The following PKN2 variants were observed in gnomAD, a reference collection of about 807,000 sequenced individuals.
PKN2 encodes protein kinase N2, also known as serine/threonine-protein kinase N2.
In PKN2, 38 loss-of-function variants were observed where a neutral mutation model predicts 119.1. The ratio of observed to expected loss-of-function variants is 0.32; its 90% confidence interval spans 0.25 to 0.42. PKN2 has a LOEUF of 0.42. Ranked by LOEUF, PKN2 falls within the 10% of genes least tolerant of loss-of-function variation. PKN2 has a pLI of 1.00. For synonymous variants in PKN2, 390 were observed against 384.9 expected, an observed-to-expected ratio of 1.01 and a Z score of -0.15; for missense variants, 850 against 1,165.1, an observed-to-expected ratio of 0.73 and a Z score of 3.94.
rs114200679 is a variant in PKN2, at chr1:88,829,255, A to G, written c.2562+632A>G. On this transcript the variant is annotated intron_variant, in intron 19 of 21. Coordinates refer to ENST00000370521, the MANE Select transcript of PKN2 (RefSeq NM_006256.4). Reference sequence around the variant, plus strand: ...AAGCCATGTTGAGTGGCCCAGGTCAATTTGCTGAGAATGAAACCAATGAGG... The same window carrying G: ...AAGCCATGTTGAGTGGCCCAGGTCAGTTTGCTGAGAATGAAACCAATGAGG... 1.3e-3 allele frequency: 860 copies of G among 682,754 alleles called. 9 individuals carry two copies. In the African/African-American group the frequency reaches 0.014, roughly 11 times the overall value. 42.3% of individuals were successfully genotyped at this position (682,754 alleles called of 1,614,324 possible). A position where few individuals can be genotyped will look rare whatever the true frequency, so the allele number is the denominator to read the frequency against.
intron 1 of PKN2, among the ~76,000 whole-genome samples, chr1:88,692,079 T>G (rs934432604): frequency 6.6e-6 from 1 of 152,210 alleles, no homozygotes; most frequent in African/African-American, 2.4e-5. Context: ...AAACATCTTT[T>G]AGTTGTTTGT....
At chr1:88,699,516 A>G (rs927166755) in intron 1 of PKN2, among the ~76,000 whole-genome samples, 4 of 152,124 alleles carry the variant, frequency 2.6e-5, no homozygotes, top group Non-Finnish European at 5.9e-5. Context: ...AGATCATCCC[A>G]TCACCTGGGT....
chr1:88,799,298 T>C (rs1020762612), intron 8 of PKN2, among the ~76,000 whole-genome samples: 1 of 152,160 alleles, frequency 6.6e-6, no homozygotes, highest in African/African-American at 2.4e-5. Context: ...CCTACTGTTG[T>C]CTCTGTATTT....
chr1:88,757,903 G>A (rs1053622733), intron 2 of PKN2, among the ~76,000 whole-genome samples: 3 of 151,630 alleles, frequency 2.0e-5, no homozygotes, highest in Admixed American at 6.6e-5. Flanking sequence ...TTAGCCGGGC[G>A]TGGTGGCAGG....
chr1:88,759,733 G>A (rs950080804), intron 2 of PKN2, among the ~76,000 whole-genome samples: 1 of 151,988 alleles, frequency 6.6e-6, no homozygotes, highest in Non-Finnish European at 1.5e-5. Flanking sequence ...AGAATATTAG[G>A]AACACCTCTG....
chr1:88,754,422 A>C (rs1204504627), intron 2 of PKN2, among the ~76,000 whole-genome samples: 1 of 152,218 alleles, frequency 6.6e-6, no homozygotes, highest in Non-Finnish European at 1.5e-5. Flanking sequence ...AGATCATTAT[A>C]ATACAGTGTA....
intron 12 of PKN2, among the ~76,000 whole-genome samples, chr1:88,806,769 G>T (rs936511733): frequency 2.0e-5 from 3 of 152,256 alleles, no homozygotes; most frequent in South Asian, 2.1e-4. Context: ...GCCCAGGCTG[G>T]AGTGCAATGG....
chr1:88,717,129 C>T (rs945111423), intron 1 of PKN2, among the ~76,000 whole-genome samples: 2 of 152,182 alleles, frequency 1.3e-5, no homozygotes, highest in African/African-American at 4.8e-5. Flanking sequence ...GGCCCCCACT[C>T]TCTTCTGGCT....
chr1:88,812,494 C>G (rs1671817498), intron 15 of PKN2, among the ~76,000 whole-genome samples: 1 of 152,142 alleles, frequency 6.6e-6, no homozygotes, highest in African/African-American at 2.4e-5. Context: ...AATCTCAGTA[C>G]TTTGGGAGGC....
Position 88,804,468 on chromosome 1 carries a change from T to G in PKN2, c.1359T>G (p.Asp453Glu). 1 of 1,613,718 alleles carries G rather than the reference T, an allele frequency of 6.2e-7. No homozygotes were observed. Among genetic ancestry groups the G allele is most frequent in the South Asian group, 1.1e-5 (1 of 91,070 alleles). ...LCAVKFLRLE[D>E]FLDNQRHGMC... ...CTGTAAAATTTCTGAGGTTAGAAGA[T>G]TTTTTAGACAACCAACGGCATGGCA... Residue 453 changes from aspartate to glutamate, a missense_variant, in exon 9 of 22, where the codon GAT becomes GAG. By Grantham distance (45) the Asp-to-Glu change is conservative. Coordinates refer to ENST00000370521, the MANE Select transcript of PKN2 (RefSeq NM_006256.4).
chr1:88,685,039 C>G (rs1666029842), intron 1 of PKN2: 1 of 178,390 alleles, frequency 5.6e-6, no homozygotes, highest in Admixed American at 6.3e-5. Context: ...TACACCGCTC[C>G]TTAAACTCCT....
intron 1 of PKN2, among the ~76,000 whole-genome samples, chr1:88,701,179 C>T (rs888931612): frequency 1.3e-5 from 2 of 152,192 alleles, no homozygotes; most frequent in Non-Finnish European, 2.9e-5. Context: ...TGCAGTGGCT[C>T]ATGCCTGTAA....
At position 88,805,654 on chromosome 1, in the gene PKN2, A is replaced by G. The variant is rs771912831; in HGVS notation, c.1659A>G (p.Gln553=). Residue 553 remains glutamine, a synonymous_variant, in exon 11 of 22, where the codon CAA becomes CAG. Transcript: ENST00000370521. The part of the protein sequence containing the change: ...TVPVVDVRIP[Q]LAPPASDSTV... Reference sequence around the variant, plus strand: ...CAGTGGTTGATGTACGCATCCCTCAACTAGCACCTCCAGCTAGGTATGTGT... The same window carrying G: ...CAGTGGTTGATGTACGCATCCCTCAGCTAGCACCTCCAGCTAGGTATGTGT... 8.1e-6 allele frequency: 13 copies of G among 1,614,038 alleles called. No homozygotes were observed. The highest frequency in any genetic ancestry group is 2.2e-5 in the South Asian group (2 of 91,074).
intron 1 of PKN2, among the ~76,000 whole-genome samples, chr1:88,707,158 C>G (rs1296755051): frequency 6.6e-6 from 1 of 151,750 alleles, no homozygotes; most frequent in Non-Finnish European, 1.5e-5. Context: ...ACTTATGTCT[C>G]TTTTCCTTGA....
chr1:88,784,245 T>C (rs1207814749), intron 6 of PKN2, among the ~76,000 whole-genome samples: 1 of 145,600 alleles, frequency 6.9e-6, no homozygotes. Context: ...TGCCCCAGCC[T>C]CCCGGATAGC....
At chr1:88,706,817 TG>T (rs1667023565) in intron 1 of PKN2, among the ~76,000 whole-genome samples, 1 of 152,192 alleles carries the variant, frequency 6.6e-6, no homozygotes, top group African/African-American at 2.4e-5. Context: ...GATTTCTTTT[TG>T]ACCCATAGGT....
intron 16 of PKN2, among the ~76,000 whole-genome samples, chr1:88,816,396 GC>G (rs1396910578): frequency 6.6e-6 from 1 of 151,776 alleles, no homozygotes; most frequent in African/African-American, 2.4e-5. Context: ...ACAGGCGCGT[GC>G]CACCATGCCT....
chr1:88,796,415 TC>T (rs1671068240), intron 8 of PKN2, among the ~76,000 whole-genome samples: 1 of 152,196 alleles, frequency 6.6e-6, no homozygotes, highest in South Asian at 2.1e-4. Flanking sequence ...CAAATTCTAC[TC>T]CAAGTCATGC....
At chr1:88,760,400 C>CTATA in intron 3 of PKN2, 24 bp downstream of exon 3, 1 of 1,291,868 alleles carries the variant, frequency 7.7e-7, no homozygotes, top group Non-Finnish European at 1.1e-6. Context: ...ATAAATGTAA[C>CTATA]TATATAGTCA....
Sources: allele counts gnomAD v4.1 joint callset (sites outside exome capture counted in the v4.1 genomes callset), GRCh38; gene constraint gnomAD v4.1.1; transcripts MANE v1.5; gene names NCBI Gene and HGNC (gene_info 2026-07-23, HGNC 2026-07-21).